EHMT2: variants seen among roughly 807,000 people sequenced by gnomAD.
EHMT2 encodes euchromatic histone lysine methyltransferase 2, also known as histone-lysine N-methyltransferase EHMT2.
In EHMT2, 59 loss-of-function variants were observed where a neutral mutation model predicts 143.3. The observed-to-expected ratio is 0.41, with a 90% confidence interval of 0.33 to 0.51. The LOEUF (loss-of-function observed/expected upper bound fraction) is 0.51, where lower values mean the gene tolerates loss of function less well. Ranked by LOEUF, EHMT2 falls within the 20% of genes least tolerant of loss-of-function variation. EHMT2 has a pLI of 0.18. For synonymous variants in EHMT2, 604 were observed against 651.5 expected (o/e 0.93, Z 1.11); for missense variants, 1,174 against 1,645.9 (o/e 0.71, Z 4.96).
chr6:31,886,853 T>C, exon 17 of EHMT2: 1 of 1,614,202 alleles, frequency 6.2e-7, no homozygotes, highest in Non-Finnish European at 8.5e-7. Flanking sequence ...CCTCCATCAG[T>C]GGCGTCCGCT....
chr6:31,881,236 G>A lies in EHMT2; in HGVS notation c.3198-144C>T, dbSNP rs1764064174. 1 of 732,502 alleles carries A rather than the reference G, an allele frequency of 1.4e-6. No individual in the cohort carries two copies. Among genetic ancestry groups the A allele is most frequent in the Non-Finnish European group, 2.4e-6 (1 of 413,736 alleles). 45.4% of individuals were successfully genotyped at this position (732,502 alleles called of 1,614,324 possible). A position where few individuals can be genotyped will look rare whatever the true frequency, so the allele number is the denominator to read the frequency against. ...GGAAGGGAAGGCCTGGAGCAGCAGTGGTGGGCAAGTGAAAGGGCAGCATTC... is the reference window on the plus strand; with the variant it reads ...GGAAGGGAAGGCCTGGAGCAGCAGTAGTGGGCAAGTGAAAGGGCAGCATTC... On this transcript the variant is annotated intron_variant, in intron 25 of 27. Transcript: ENST00000375537. The surrounding 1 kb of genome is among the most constrained non-coding windows in gnomAD (Gnocchi z 4.8).
Position 31,883,736 on chromosome 6 carries a change from T to C in EHMT2, c.2916+70A>G. ...TCCTTGGCCAGGTGCCTTTGCTGGT[T>C]TGAAGCTTGTCCAACTGTACTTGGC... On this transcript the variant is annotated intron_variant, in intron 22 of 27. Transcript: ENST00000375537. This position sits in a 1 kb window ranked among gnomAD's most constrained non-coding sequence, Gnocchi z 5.6. 1.3e-6 allele frequency: 2 copies of C among 1,577,800 alleles called. No homozygotes were observed. The highest frequency in any genetic ancestry group is 1.7e-6 in the Non-Finnish European group (2 of 1,157,394).
At chr6:31,897,685 T>C, upstream of EHMT2, 1 of 1,110,236 alleles carries the variant, frequency 9.0e-7, no homozygotes, top group Non-Finnish European at 1.1e-6. Flanking sequence ...CATCGCCGCT[T>C]GCGCTGGGGG....
At chr6:31,897,575 G>A (rs144725072) in intron 1 of EHMT2, 61 bp downstream of exon 1, 33,897 of 1,113,746 alleles carry the variant, frequency 0.03, 562 homozygotes, top group Non-Finnish European at 0.033. Context: ...TTGCACGGGC[G>A]CGCGCTTCCC....
At position 31,889,692 on chromosome 6, in the gene EHMT2, C is replaced by T. The variant is rs140227267; in HGVS notation, c.865-90G>A. The T allele has an allele frequency of 0.01, 15,988 of 1,531,570 alleles. 114 individuals carry two copies. The highest frequency in any genetic ancestry group is 0.013 in the Non-Finnish European group (14,043 of 1,122,992). 94.9% of individuals were successfully genotyped at this position (1,531,570 alleles called of 1,614,324 possible). A position where few individuals can be genotyped will look rare whatever the true frequency, so the allele number is the denominator to read the frequency against. On this transcript the variant is annotated intron_variant, in intron 7 of 27. Coordinates refer to ENST00000375537, the Ensembl canonical transcript of EHMT2. This position sits in a 1 kb window ranked among gnomAD's most constrained non-coding sequence, Gnocchi z 5.1. ...AACCACCACCACCATTGCCCCCCGC[C>T]ACTACCCACGGATGGCTGCTGGGGA...
In EHMT2 at chr6:31,889,683, GC is replaced by G; in HGVS notation, c.865-82del. 1 of 1,513,602 alleles carries G rather than the reference GC, an allele frequency of 6.6e-7. No homozygotes were observed. 93.8% of individuals were successfully genotyped at this position (1,513,602 alleles called of 1,614,324 possible). On this transcript the variant is annotated intron_variant, in intron 7 of 27. Transcript: ENST00000375537. This position sits in a 1 kb window ranked among gnomAD's most constrained non-coding sequence, Gnocchi z 5.1. Reference sequence around the variant, plus strand: ...AGTAAAGAAAACCACCACCACCATTGCCCCCCGCCACTACCCACGGATGGCT... The same window carrying G: ...AGTAAAGAAAACCACCACCACCATTGCCCCCGCCACTACCCACGGATGGCT...
chr6:31,887,834 G>C, exon 14 of EHMT2: 1 of 1,610,020 alleles, frequency 6.2e-7, no homozygotes, highest in Non-Finnish European at 8.5e-7. Context: ...CCTGGCCCCA[G>C]TGGCAGCCCC....
At chr6:31,890,792 G>A (rs1177609710) in intron 7 of EHMT2, among the ~76,000 whole-genome samples, 1 of 150,152 alleles carries the variant, frequency 6.7e-6, no homozygotes, top group African/African-American at 2.4e-5. Flanking sequence ...TTGAACTCAG[G>A]AGGTGGAGCT....
In EHMT2 at chr6:31,881,088, CA is replaced by C; in HGVS notation, c.3201del (p.Tyr1067Ter). 1 of 1,612,860 alleles carries C rather than the reference CA, an allele frequency of 6.2e-7. No individual in the cohort carries two copies. The highest frequency in any genetic ancestry group is 8.5e-7 in the Non-Finnish European group (1 of 1,179,894). ...TCAGCATCAGAGATCAGCTCCCCGA[CA>C]TACCTGTGGGACAGGAATCCATGGT... On this transcript the variant is annotated frameshift_variant, in exon 26 of 28. Coordinates refer to ENST00000375537, the Ensembl canonical transcript of EHMT2. LOFTEE classifies it high-confidence loss of function. The surrounding 1 kb of genome is among the most constrained non-coding windows in gnomAD (Gnocchi z 4.8).
In EHMT2 at chr6:31,884,324, A is replaced by G. The variant is rs1278417075; in HGVS notation, c.2771+68T>C. 1.3e-5 allele frequency: 19 copies of G among 1,456,238 alleles called. No homozygotes were observed. The highest frequency in any genetic ancestry group is 8.7e-5 in the South Asian group (7 of 80,640). The allele number at this position is 1,456,238 out of a possible 1,614,324, so 90.2% of individuals were successfully genotyped here. On this transcript the variant is annotated intron_variant, in intron 21 of 27. Transcript: ENST00000375537. The surrounding 1 kb of genome is among the most constrained non-coding windows in gnomAD (Gnocchi z 7.3). ...GGTTGGGGAATGTTGTGAGGATGCA[A>G]TGGAGCCTGGGGAGGGTATGGGTGG... is the stretch of plus-strand genomic sequence containing the variant.
chr6:31,890,947 T>G (rs573120358), intron 7 of EHMT2, among the ~76,000 whole-genome samples: 167 of 145,656 alleles, frequency 1.1e-3, no homozygotes, highest in Middle Eastern at 0.011. Flanking sequence ...CAAAAAAAAA[T>G]TTTTTTTTTT....
At position 31,888,104 on chromosome 6, in the gene EHMT2, G is replaced by A. The variant is rs1355843648; in HGVS notation, c.1682C>T (p.Ala561Val). The change falls in exon 13 of 28, where the codon GCA becomes GTA. Residue 561 changes from alanine to valine, a missense_variant. Physicochemically the swap from Ala to Val is moderately conservative, Grantham distance 64. Around this residue, in one of 6 missense-constraint regions of EHMT2, gnomAD observed 608 missense variants for 903.7 expected, o/e 0.67. Transcript: ENST00000375537. This position sits in a 1 kb window ranked among gnomAD's most constrained non-coding sequence, Gnocchi z 7.4. ...GGACAGGGGTGGGGGTGCAGGAGCT[G>A]CAGTGCCGGCCGGTGGGGTCACCCC... 1 of 1,610,984 alleles carries A rather than the reference G, an allele frequency of 6.2e-7. No homozygotes were observed. The highest frequency in any genetic ancestry group is 1.7e-5 in the Admixed American group (1 of 59,866).
intron 18 of EHMT2, chr6:31,885,224 T>A: frequency 1.8e-6 from 1 of 563,202 alleles, no homozygotes; most frequent in Non-Finnish European, 2.9e-6. Context: ...ATGCCTGTAA[T>A]CCCAGCACTT....
chr6:31,889,618 A>G lies in EHMT2; in HGVS notation c.865-16T>C. On this transcript the variant is annotated splice_polypyrimidine_tract_variant and intron_variant, in intron 7 of 27. Transcript: ENST00000375537. The surrounding 1 kb of genome is among the most constrained non-coding windows in gnomAD (Gnocchi z 5.1). ...CAACTTCAGACTGGGAGAGAGGCAG[A>G]ACAGACATATCCAACCCCCAGGACT... is the stretch of plus-strand genomic sequence containing the variant. 6.2e-7 allele frequency: 1 copy of G among 1,608,978 alleles called. No homozygotes were observed. The highest frequency in any genetic ancestry group is 2.2e-5 in the East Asian group (1 of 44,866).
chr6:31,890,985 G>A (rs1196056763), intron 7 of EHMT2, among the ~76,000 whole-genome samples: 2 of 150,676 alleles, frequency 1.3e-5, no homozygotes, highest in African/African-American at 4.9e-5. Flanking sequence ...TCTTGTTGCC[G>A]AGGCTGGAGT....
At chr6:31,894,920 G>C (rs72842437) in intron 4 of EHMT2, among the ~76,000 whole-genome samples, 380 of 152,230 alleles carry the variant, frequency 2.5e-3, no homozygotes, top group Non-Finnish European at 3.3e-3. Context: ...TGAAAGTGTT[G>C]AGATTATAGG....
At chr6:31,891,849 A>C (rs1765728366) in intron 7 of EHMT2, among the ~76,000 whole-genome samples, 1 of 152,104 alleles carries the variant, frequency 6.6e-6, no homozygotes, top group Admixed American at 6.5e-5. Context: ...ATGTCTGTTA[A>C]ATGGTCATTT....
exon 28 of EHMT2, chr6:31,879,921 C>T: frequency 2.4e-6 from 2 of 846,146 alleles, no homozygotes; most frequent in African/African-American, 1.7e-5. Flanking sequence ...GAGGGGCTGT[C>T]AGACCTCCAG....
intron 14 of EHMT2, 58 bp from the exon 15 acceptor site, chr6:31,887,717 G>T: frequency 6.2e-7 from 1 of 1,607,812 alleles, no homozygotes. Flanking sequence ...TCCAGCATCA[G>T]CCTCGACACC....
Sources: allele counts gnomAD v4.1 joint callset (sites outside exome capture counted in the v4.1 genomes callset), GRCh38; gene constraint gnomAD v4.1.1; regional missense constraint gnomAD v4.1.1; non-coding constraint Gnocchi (gnomAD v3.1); transcripts MANE v1.5; gene names NCBI Gene and HGNC (gene_info 2026-07-23, HGNC 2026-07-21).